Variants in TSHZ3 observed in about 807,000 individuals in gnomAD.
TSHZ3 encodes the protein teashirt zinc finger homeobox 3.
A neutral mutation model predicts 64.5 loss-of-function variants in TSHZ3; 10 were observed. That is an observed-to-expected ratio of 0.16 (90% CI 0.10 to 0.26). The LOEUF is 0.26. Ranked by LOEUF, TSHZ3 falls within the 10% of genes least tolerant of loss-of-function variation. TSHZ3 has a pLI of 1.00. For missense variants in TSHZ3, 1,242 were observed against 1,421.7 expected (o/e 0.87, Z 2.03); for synonymous variants, 608 against 593.1 (o/e 1.03, Z -0.36).
intron 1 of TSHZ3, among the ~76,000 whole-genome samples, chr19:31,321,266 G>T (rs16965478): frequency 0.033 from 5,074 of 152,236 alleles, 313 homozygotes; most frequent in African/African-American, 0.12. Context: ...GTGCTGAGAA[G>T]GCCATGGCTC....
chr19:31,208,621 G>A (rs1975219301), intron 4 of TSHZ3, among the ~76,000 whole-genome samples: 1 of 152,218 alleles, frequency 6.6e-6, no homozygotes, highest in South Asian at 2.1e-4. Context: ...ATGGGAACTG[G>A]AAATAGGATT....
chr19:31,296,582 C>T (rs866385619), intron 1 of TSHZ3, among the ~76,000 whole-genome samples: 12 of 152,208 alleles, frequency 7.9e-5, no homozygotes, highest in Middle Eastern at 3.4e-3. Context: ...GTGATCTGCC[C>T]GCCTCAGCCT....
Position 31,157,033 on chromosome 19 carries a change from C to T in TSHZ3, n.810-616G>A, listed in dbSNP as rs1354377677. 2.6e-5 allele frequency among the ~76,000 whole-genome samples: 4 copies of T among 152,230 alleles called. No homozygotes were observed. In the South Asian group the frequency reaches 6.2e-4, roughly 24 times the overall value. On this transcript the variant is annotated intron_variant and non_coding_transcript_variant, in intron 5 of 6. Coordinates refer to the TSHZ3 transcript ENST00000651361. ...CTGAGAGCAGGGTGGTAAATTGATA[C>T]AACCATTCCAGAGAGCAATGAGGCC...
At chr19:31,324,012 G>A (rs754349487) in intron 1 of TSHZ3, among the ~76,000 whole-genome samples, 3 of 151,976 alleles carry the variant, frequency 2.0e-5, no homozygotes, top group African/African-American at 4.8e-5. Flanking sequence ...CAGAAGCCAC[G>A]AGGGGCATCT....
At chr19:31,284,085 T>TGG (rs1019401521) in intron 1 of TSHZ3, among the ~76,000 whole-genome samples, 126 of 152,288 alleles carry the variant, frequency 8.3e-4, no homozygotes, top group African/African-American at 2.8e-3. Flanking sequence ...TTAAATTCCT[T>TGG]GTTGCTACTT....
chr19:31,242,197 T>A (rs1227935277), intron 3 of TSHZ3, among the ~76,000 whole-genome samples: 1 of 152,198 alleles, frequency 6.6e-6, no homozygotes, highest in East Asian at 1.9e-4. Flanking sequence ...GTCAGGGTTC[T>A]TCAGAGGGAC....
chr19:31,304,428 C>A (rs887192638), intron 1 of TSHZ3, among the ~76,000 whole-genome samples: 3 of 152,144 alleles, frequency 2.0e-5, no homozygotes, highest in African/African-American at 7.2e-5. Flanking sequence ...GGGGGCCCTG[C>A]CTCTCCCTCT....
intron 1 of TSHZ3, among the ~76,000 whole-genome samples, chr19:31,259,341 G>C (rs1975955069): frequency 6.6e-6 from 1 of 151,978 alleles, no homozygotes; most frequent in Non-Finnish European, 1.5e-5. Context: ...GATTTTTTTG[G>C]TCATTGTACT....
At chr19:31,308,345 T>C (rs1182497421) in intron 1 of TSHZ3, 5 of 266,086 alleles carry the variant, frequency 1.9e-5, no homozygotes, top group Non-Finnish European at 3.5e-5. Flanking sequence ...TGCAAATAGA[T>C]AAAAATCATG....
At chr19:31,261,503 T>C (rs1444792144) in intron 1 of TSHZ3, among the ~76,000 whole-genome samples, 1 of 152,254 alleles carries the variant, frequency 6.6e-6, no homozygotes, top group East Asian at 1.9e-4. Flanking sequence ...TCTGAAAGTC[T>C]GCAAATGTCA....
intron 1 of TSHZ3, among the ~76,000 whole-genome samples, chr19:31,300,672 C>A (rs1568373989): frequency 1.3e-5 from 2 of 152,086 alleles, no homozygotes; most frequent in Admixed American, 6.5e-5. Flanking sequence ...CTACAGTGGC[C>A]CCACAAGCCT....
chr19:31,313,126 AAC>A (rs1179282676), intron 1 of TSHZ3, among the ~76,000 whole-genome samples: 2 of 152,142 alleles, frequency 1.3e-5, no homozygotes, highest in Non-Finnish European at 2.9e-5. Context: ...GGGGGCAAGG[AAC>A]AGTCACAGAG....
chr19:31,253,753 C>T (rs1167941269), intron 1 of TSHZ3, among the ~76,000 whole-genome samples: 1 of 152,162 alleles, frequency 6.6e-6, no homozygotes, highest in African/African-American at 2.4e-5. Context: ...TGACATACTT[C>T]TACCTCGCAA....
chr19:31,206,112 GA>G, intron 4 of TSHZ3, among the ~76,000 whole-genome samples: 1 of 147,390 alleles, frequency 6.8e-6, no homozygotes, highest in Admixed American at 6.6e-5. Context: ...TGGATGGATG[GA>G]TGGATGGATG....
intron 1 of TSHZ3, among the ~76,000 whole-genome samples, chr19:31,265,718 A>G (rs1335023012): frequency 6.6e-6 from 1 of 152,160 alleles, no homozygotes; most frequent in Non-Finnish European, 1.5e-5. Flanking sequence ...GCCTGAAAAC[A>G]GGTGGGAACA....
upstream of TSHZ3, among the ~76,000 whole-genome samples, chr19:31,350,463 C>G (rs1001439001): frequency 6.6e-6 from 1 of 151,356 alleles, no homozygotes; most frequent in Non-Finnish European, 1.5e-5. Flanking sequence ...CGGCGCGGGC[C>G]GATCCTAGGG....
At chr19:31,195,664 A>C (rs1380057947) in intron 5 of TSHZ3, 1 of 152,084 alleles carries the variant, frequency 6.6e-6, no homozygotes, top group Admixed American at 6.6e-5. Flanking sequence ...ACTTGGATCT[A>C]CATAAAAAAA....
At chr19:31,303,478 C>T (rs941735411) in intron 1 of TSHZ3, among the ~76,000 whole-genome samples, 2 of 152,098 alleles carry the variant, frequency 1.3e-5, no homozygotes, top group African/African-American at 4.8e-5. Flanking sequence ...GCATGGACCA[C>T]TTGACCTGCA....
chr19:31,187,859 G>A (rs1253834577), intron 5 of TSHZ3, among the ~76,000 whole-genome samples: 1 of 152,052 alleles, frequency 6.6e-6, no homozygotes, highest in Non-Finnish European at 1.5e-5. Context: ...ATCAGGTAGT[G>A]TAAGTTATTT....
Sources: gnomAD v4.1 joint callset for allele counts (sites outside exome capture counted in the v4.1 genomes callset) on GRCh38, gnomAD v4.1.1 for gene constraint, MANE v1.5 for transcripts, NCBI Gene and HGNC (gene_info 2026-07-23, HGNC 2026-07-21) for gene names.